The following PHIP variants were observed in gnomAD, a reference collection of about 807,000 sequenced individuals.
The protein encoded by PHIP is PH-interacting protein.
In PHIP, 54 loss-of-function variants were observed where a neutral mutation model predicts 236.8. The observed-to-expected ratio is 0.23, with a 90% CI of 0.18 to 0.29. The LOEUF is 0.29. PHIP is among the 10% of genes least tolerant of loss of function. The probability of loss-of-function intolerance (pLI) is 1.00; values close to 1 mark genes in which losing one functional copy is unlikely to be tolerated. For missense variants in PHIP, 1,370 were observed against 2,190.8 expected, an observed-to-expected ratio of 0.63 and a Z score of 7.48; for synonymous variants, 756 against 718.9, an observed-to-expected ratio of 1.05 and a Z score of -0.83.
Position 78,998,270 on chromosome 6 carries a change from G to T in PHIP, c.2001C>A (p.Thr667=). 6.2e-7 allele frequency: 1 copy of T among 1,610,350 alleles called. No individual in the cohort carries two copies. Among genetic ancestry groups the T allele is most frequent in the South Asian group, 1.1e-5 (1 of 90,984 alleles). ...CCTGCTTACCTCTACTTAAACGGCT[G>T]GTATTACTGATAACTGCTTCACCAG... is the stretch of plus-strand genomic sequence containing the variant. ...RRSGEAVISN[T]SRLSRGSISS... The change falls in exon 18 of 40, where the codon ACC becomes ACA. Residue 667 remains threonine, a synonymous_variant. Coordinates refer to ENST00000275034, the MANE Select transcript of PHIP (RefSeq NM_017934.7).
chr6:78,964,622 A>G (rs1015186560), intron 29 of PHIP, among the ~76,000 whole-genome samples: 6 of 152,046 alleles, frequency 3.9e-5, no homozygotes, highest in Non-Finnish European at 8.8e-5. Context: ...CCTTCTGAGT[A>G]GCTGGGACTA....
intron 6 of PHIP, among the ~76,000 whole-genome samples, chr6:79,048,825 T>C (rs905622071): frequency 2.0e-5 from 3 of 152,178 alleles, no homozygotes; most frequent in Non-Finnish European, 4.4e-5. Context: ...AGAGCCCTGC[T>C]GGCAGCCTAA....
At chr6:78,945,078 A>C (rs926441361) in intron 39 of PHIP, among the ~76,000 whole-genome samples, 10 of 150,426 alleles carry the variant, frequency 6.6e-5, no homozygotes, top group South Asian at 2.1e-4. Flanking sequence ...TTGAAGATTT[A>C]TTTCTTTTTT....
At chr6:79,073,023 T>C (rs556489679) in intron 4 of PHIP, among the ~76,000 whole-genome samples, 1 of 152,224 alleles carries the variant, frequency 6.6e-6, no homozygotes, top group South Asian at 2.1e-4. Context: ...TTTTACAGAA[T>C]GGAAAACAGA....
chr6:79,038,917 AAT>A (rs1374647482), intron 7 of PHIP, among the ~76,000 whole-genome samples: 1 of 152,138 alleles, frequency 6.6e-6, no homozygotes, highest in Admixed American at 6.5e-5. Flanking sequence ...GAAGTGAAAA[AAT>A]ATGTCATCCT....
In PHIP at chr6:79,078,153, G is replaced by T; in HGVS notation, c.-85C>A. 1 of 1,350,202 alleles carries T rather than the reference G, an allele frequency of 7.4e-7. No individual in the cohort carries two copies. The highest frequency in any genetic ancestry group is 1.0e-6 in the Non-Finnish European group (1 of 965,214). 83.6% of individuals were successfully genotyped at this position (1,350,202 alleles called of 1,614,324 possible). ...CGGTGCCGCCGCCTGCCCTATAGCTGTCAGTGTGTGTTCACGAGCCGAGCT... is the reference window on the plus strand; with the variant it reads ...CGGTGCCGCCGCCTGCCCTATAGCTTTCAGTGTGTGTTCACGAGCCGAGCT... On this transcript the variant is annotated 5_prime_UTR_variant, in exon 1 of 40. Coordinates refer to ENST00000275034, the MANE Select transcript of PHIP (RefSeq NM_017934.7).
At position 78,935,733 on chromosome 6, in the gene PHIP, G is replaced by T; in HGVS notation, c.*4960C>A. 1.0e-6 allele frequency: 1 copy of T among 985,200 alleles called. No individual in the cohort carries two copies. 61.0% of individuals were successfully genotyped at this position (985,200 alleles called of 1,614,324 possible). On this transcript the variant is annotated 3_prime_UTR_variant, in exon 40 of 40. Coordinates refer to ENST00000275034, the MANE Select transcript of PHIP (RefSeq NM_017934.7). ...CACACAGGGCACTGGAAACTCTAAT[G>T]AACCAGCATTTACATAATGGTATCT...
intron 6 of PHIP, among the ~76,000 whole-genome samples, chr6:79,053,236 C>T (rs2127767194): frequency 6.6e-6 from 1 of 152,236 alleles, no homozygotes; most frequent in Admixed American, 6.5e-5. Flanking sequence ...ATGGCTTGAA[C>T]CTGGGAGGAG....
chr6:79,076,939 T>C (rs1774190100), intron 4 of PHIP, among the ~76,000 whole-genome samples: 2 of 152,206 alleles, frequency 1.3e-5, no homozygotes, highest in South Asian at 4.1e-4. Flanking sequence ...AAAAATAATG[T>C]CTTGCCACGG....
intron 32 of PHIP, chr6:78,957,570 G>A (rs1766505755): frequency 1.3e-5 from 2 of 148,252 alleles, no homozygotes; most frequent in Admixed American, 1.3e-4. Context: ...ATGAAGCAGG[G>A]ATGTTTATTA....
chr6:78,954,955 C>G lies in PHIP; in HGVS notation c.3912G>C (p.Gln1304His). 1.3e-6 allele frequency: 2 copies of G among 1,555,076 alleles called. No homozygotes were observed. The highest frequency in any genetic ancestry group is 1.7e-6 in the Non-Finnish European group (2 of 1,157,990). Residue 1304 changes from glutamine (Q) to histidine (H), a missense_variant, in exon 35 of 40, where the codon CAG becomes CAC. Coordinates refer to ENST00000275034, the MANE Select transcript of PHIP (RefSeq NM_017934.7). ...GTSTRKRKDH[Q>H]PRRRLRNRAQ... ...CTCTATTACGTAATCTTCTTCTAGG[C>G]TGATGGTCCTGTGATAAAAGTGTTC...
At chr6:79,069,044 C>T (rs2127778594) in intron 4 of PHIP, among the ~76,000 whole-genome samples, 1 of 151,982 alleles carries the variant, frequency 6.6e-6, no homozygotes, top group Admixed American at 6.6e-5. Context: ...AGGCTAGTTA[C>T]ACTTCTGCTC....
intron 32 of PHIP, chr6:78,957,765 C>T (rs181775919): frequency 1.2e-4 from 18 of 152,040 alleles, no homozygotes; most frequent in African/African-American, 4.3e-4. Context: ...TCTCTGCCTT[C>T]AACTTAGGAG....
At chr6:78,987,819 T>C (rs1417075487) in intron 21 of PHIP, among the ~76,000 whole-genome samples, 1 of 152,142 alleles carries the variant, frequency 6.6e-6, no homozygotes, top group Non-Finnish European at 1.5e-5. Context: ...AATTGTCAAA[T>C]ACTTATTGAT....
intron 15 of PHIP, among the ~76,000 whole-genome samples, 191 bp from the exon 16 acceptor site, chr6:79,004,049 A>C (rs780169723): frequency 7.2e-5 from 11 of 152,110 alleles, no homozygotes; most frequent in Non-Finnish European, 1.5e-4. Flanking sequence ...TGAAAAATAA[A>C]GTATTCTATC....
intron 13 of PHIP, 76 bp downstream of exon 13, chr6:79,016,468 T>G: frequency 5.2e-6 from 4 of 765,908 alleles, no homozygotes; most frequent in Non-Finnish European, 8.5e-6. Flanking sequence ...TTTTATAGGC[T>G]GAGAGTCACC....
intron 6 of PHIP, among the ~76,000 whole-genome samples, chr6:79,057,226 C>CTA (rs1773118670): frequency 6.6e-6 from 1 of 152,096 alleles, no homozygotes; most frequent in South Asian, 2.1e-4. Flanking sequence ...ATCCTCTGAA[C>CTA]TACAGTAAGG....
intron 19 of PHIP, among the ~76,000 whole-genome samples, chr6:78,992,677 T>A (rs960729942): frequency 6.6e-6 from 1 of 152,190 alleles, no homozygotes; most frequent in Non-Finnish European, 1.5e-5. Flanking sequence ...TGTAGTTGTT[T>A]TGAAGCACCA....
chr6:79,077,976 G>A, intron 1 of PHIP, 53 bp downstream of exon 1: 6 of 1,596,708 alleles, frequency 3.8e-6, no homozygotes, highest in Non-Finnish European at 5.1e-6. Context: ...GGGGGCGGGG[G>A]ACCGCGGGCG....
Sources: gnomAD v4.1 joint callset for allele counts (sites outside exome capture counted in the v4.1 genomes callset) on GRCh38, gnomAD v4.1.1 for gene constraint, MANE v1.5 for transcripts, NCBI Gene and HGNC (gene_info 2026-07-23, HGNC 2026-07-21) for gene names.